CUL3: variants seen among roughly 807,000 people sequenced by gnomAD.
CUL3 encodes the protein cullin-3.
A neutral mutation model predicts 89.1 loss-of-function variants in CUL3; 19 were observed. The observed-to-expected ratio is 0.21, with a 90% CI of 0.15 to 0.31. The LOEUF is 0.31. CUL3 is among the 10% of genes least tolerant of loss of function. The pLI, the probability that CUL3 is intolerant of heterozygous loss-of-function variation, is 1.00. For missense variants in CUL3, 469 were observed against 942.3 expected (o/e 0.50, Z 6.58); for synonymous variants, 351 against 308.4 (o/e 1.14, Z -1.45).
At chr2:224,558,249 AAAAC>A (rs1326648295) in intron 1 of CUL3, among the ~76,000 whole-genome samples, 6 of 152,220 alleles carry the variant, frequency 3.9e-5, no homozygotes, top group Admixed American at 3.9e-4. Flanking sequence ...TAGCTGAAAG[AAAAC>A]AAAGAATAAC....
chr2:224,480,650 A>G (rs1691505996), intron 14 of CUL3, among the ~76,000 whole-genome samples: 1 of 152,172 alleles, frequency 6.6e-6, no homozygotes, highest in Non-Finnish European at 1.5e-5. Context: ...GATAACAAAG[A>G]CAGTTACTTA....
In CUL3 at chr2:224,497,868, G is replaced by T. The variant is rs1292218759; in HGVS notation, c.1611-19C>A. ...GTAGAACCTTCAGTAAATCAAACCA[G>T]GTTTTAGAAAATCAAACAAACTTAC... is the stretch of plus-strand genomic sequence containing the variant. On this transcript the variant is annotated intron_variant, in intron 11 of 15. Coordinates refer to ENST00000264414, the MANE Select transcript of CUL3 (RefSeq NM_003590.5). 1.3e-6 allele frequency: 2 copies of T among 1,590,934 alleles called. No homozygotes were observed.
chr2:224,508,448 C>T (rs1692685584), intron 6 of CUL3, among the ~76,000 whole-genome samples: 1 of 152,148 alleles, frequency 6.6e-6, no homozygotes, highest in Non-Finnish European at 1.5e-5. Context: ...AAATGTGGCA[C>T]ACCAAATACT....
intron 5 of CUL3, among the ~76,000 whole-genome samples, chr2:224,511,796 T>C (rs1004501835): frequency 4.6e-5 from 7 of 152,290 alleles, no homozygotes; most frequent in African/African-American, 1.7e-4. Flanking sequence ...TAAAACATTA[T>C]CTGTAAGCAA....
At chr2:224,545,225 A>G (rs1019797048) in intron 2 of CUL3, among the ~76,000 whole-genome samples, 2 of 152,182 alleles carry the variant, frequency 1.3e-5, no homozygotes, top group Non-Finnish European at 2.9e-5. Flanking sequence ...CCTGAATAAT[A>G]TAAAATTCAC....
chr2:224,528,106 G>GAAA (rs1693544510), intron 3 of CUL3, among the ~76,000 whole-genome samples: 1 of 152,070 alleles, frequency 6.6e-6, no homozygotes, highest in Non-Finnish European at 1.5e-5. Flanking sequence ...GTTTCTTATT[G>GAAA]CTGCTGTAAA....
Position 224,538,963 on chromosome 2 carries a change from T to C in CUL3, c.265-3322A>G, listed in dbSNP as rs141026506. Among the ~76,000 whole-genome samples, 279 of 152,164 alleles carry C rather than the reference T, an allele frequency of 1.8e-3. 3 individuals carry two copies. The highest frequency in any genetic ancestry group is 6.5e-3 in the African/African-American group (268 of 41,508). ...GGTAGGATTGTTTGATCCCAGGAGT[T>C]TGAGGCAAGCCTGGGCAACACAGCA... is the stretch of plus-strand genomic sequence containing the variant. On this transcript the variant is annotated intron_variant, in intron 2 of 15. Coordinates refer to ENST00000264414, the MANE Select transcript of CUL3 (RefSeq NM_003590.5).
intron 3 of CUL3, among the ~76,000 whole-genome samples, chr2:224,533,939 T>C (rs764598094): frequency 3.3e-5 from 5 of 152,324 alleles, no homozygotes; most frequent in South Asian, 4.1e-4. Flanking sequence ...TACAGCTGTT[T>C]GTTCTCATTG....
At chr2:224,517,408 C>G (rs2106229814) in intron 3 of CUL3, among the ~76,000 whole-genome samples, 1 of 152,314 alleles carries the variant, frequency 6.6e-6, no homozygotes, top group East Asian at 1.9e-4. Flanking sequence ...TGCGGTGGCT[C>G]ACGCCTGTAA....
chr2:224,571,969 A>G (rs1461749353), intron 1 of CUL3, among the ~76,000 whole-genome samples: 1 of 152,258 alleles, frequency 6.6e-6, no homozygotes, highest in African/African-American at 2.4e-5. Flanking sequence ...CCAAGATCAC[A>G]CAGAGCAATG....
At chr2:224,555,302 G>A (rs1199894120) in intron 2 of CUL3, among the ~76,000 whole-genome samples, 1 of 152,108 alleles carries the variant, frequency 6.6e-6, no homozygotes, top group African/African-American at 2.4e-5. Flanking sequence ...AATTCTCCCA[G>A]TAAGCAATCT....
At chr2:224,526,854 G>C (rs1693500429) in intron 3 of CUL3, among the ~76,000 whole-genome samples, 1 of 151,008 alleles carries the variant, frequency 6.6e-6, no homozygotes, top group African/African-American at 2.4e-5. Flanking sequence ...CTATTAATCT[G>C]TTTCAGATAG....
At chr2:224,526,237 T>TTGTCAGAGTCCAC (rs758790828) in intron 3 of CUL3, among the ~76,000 whole-genome samples, 25 of 152,192 alleles carry the variant, frequency 1.6e-4, no homozygotes, top group Non-Finnish European at 2.8e-4. Context: ...CCCATATACA[T>TTGTCAGAGTCCAC]TGTCAGAGTC....
At chr2:224,576,610 C>T (rs961777483) in intron 1 of CUL3, among the ~76,000 whole-genome samples, 2 of 141,514 alleles carry the variant, frequency 1.4e-5, no homozygotes, top group African/African-American at 5.2e-5. Context: ...ATGCTAAATG[C>T]TGCATGGTTC....
At chr2:224,512,462 C>A (rs1171588319) in intron 5 of CUL3, among the ~76,000 whole-genome samples, 1 of 152,190 alleles carries the variant, frequency 6.6e-6, no homozygotes, top group African/African-American at 2.4e-5. Context: ...GTTAACTGCT[C>A]AGGTAGTTAC....
chr2:224,582,655 G>C (rs1695467788), intron 1 of CUL3, among the ~76,000 whole-genome samples: 1 of 152,028 alleles, frequency 6.6e-6, no homozygotes, highest in African/African-American at 2.4e-5. Context: ...TAATCATAAC[G>C]AAGCTAACAA....
intron 3 of CUL3, 125 bp downstream of exon 3, chr2:224,535,403 T>C: frequency 1.7e-6 from 1 of 575,704 alleles, no homozygotes; most frequent in Non-Finnish European, 3.0e-6. Flanking sequence ...GTCCTGACCT[T>C]AAATGATATG....
At chr2:224,567,735 G>GA (rs1695080454) in intron 1 of CUL3, among the ~76,000 whole-genome samples, 1 of 143,396 alleles carries the variant, frequency 7.0e-6, no homozygotes, top group African/African-American at 2.6e-5. Flanking sequence ...GTGAGACTCT[G>GA]TCTCAAAAAA....
chr2:224,551,589 C>T (rs1209624083), intron 2 of CUL3, among the ~76,000 whole-genome samples: 2 of 151,532 alleles, frequency 1.3e-5, no homozygotes. Flanking sequence ...GGTGTTCCTG[C>T]CACCTCAGTC....
Sources: gnomAD v4.1 joint callset for allele counts (sites outside exome capture counted in the v4.1 genomes callset) on GRCh38, gnomAD v4.1.1 for gene constraint, MANE v1.5 for transcripts, NCBI Gene and HGNC (gene_info 2026-07-23, HGNC 2026-07-21) for gene names.